The following CEBPZ variants were observed in gnomAD, a reference collection of about 807,000 sequenced individuals.
CEBPZ encodes CCAAT/enhancer-binding protein zeta.
CEBPZ carries 78 observed loss-of-function variants against 104.5 expected under a neutral mutation model. The ratio of observed to expected loss-of-function variants is 0.75; its 90% CI spans 0.62 to 0.90. The LOEUF (loss-of-function observed/expected upper bound fraction) is 0.90. Ranked by LOEUF, CEBPZ falls within the 40% of genes least tolerant of loss-of-function variation. The pLI, the probability that CEBPZ is intolerant of heterozygous loss-of-function variation, is 0.00. For synonymous variants in CEBPZ, 470 were observed against 427.0 expected (o/e 1.10, Z -1.24); for missense variants, 1,439 against 1,233.5 (o/e 1.17, Z -2.50).
In CEBPZ at chr2:37,222,389, T is replaced by G; in HGVS notation, c.2056A>C (p.Asn686His). The change falls in exon 4 of 16, where the codon AAT (asparagine) becomes CAT (histidine). Residue 686 changes from asparagine (N) to histidine (H), a missense_variant. Physicochemically the swap from Asn to His is moderately conservative, Grantham distance 68. Transcript: ENST00000234170. ...PEVASWVHFD[N>H]LKGGKQLNKY... is the part of the protein sequence containing the mutation. The stretch of plus-strand genomic sequence containing the variant: ...GATGAAAAAAACTCACCTTTCAAAT[T>G]ATCAAAGTGCACCCAGGAAGCAACC... The G allele has an allele frequency of 6.3e-7, 1 of 1,578,134 alleles. No homozygotes were observed. The highest frequency in any genetic ancestry group is 1.4e-5 in the African/African-American group (1 of 72,484).
intron 7 of CEBPZ, 27 bp from the exon 8 acceptor site, chr2:37,216,235 A>C (rs1356381177): frequency 6.2e-7 from 1 of 1,607,842 alleles, no homozygotes; most frequent in South Asian, 1.1e-5. Flanking sequence ...TGACAGTATA[A>C]TGCAAAACCT....
At position 37,202,812 on chromosome 2, in the gene CEBPZ, C is replaced by T. The variant is rs1400432198; in HGVS notation, c.2997G>A (p.Met999Ile). ...NMGSKFDNIG[M>I]NAMANKDNAS... ...CATTATCTTTGTTAGCCATGGCATT[C>T]ATGCCAATGTTATCAAACTTGGATC... Residue 999 changes from methionine (M) to isoleucine (I), a missense_variant, in exon 15 of 16, where the codon ATG becomes ATA. Coordinates refer to ENST00000234170, the MANE Select transcript of CEBPZ (RefSeq NM_005760.3). 13 of 1,592,612 alleles carry T rather than the reference C, an allele frequency of 8.2e-6. No homozygotes were observed. Among genetic ancestry groups the T allele is most frequent in the African/African-American group, 1.4e-5 (1 of 73,970 alleles).
At chr2:37,211,324 A>T (rs1402387902) in intron 12 of CEBPZ, 2 of 343,936 alleles carry the variant, frequency 5.8e-6, no homozygotes, top group East Asian at 9.1e-5. Flanking sequence ...TAATAAGACC[A>T]AATAATATAA....
chr2:37,228,822 T>C lies in CEBPZ; in HGVS notation c.371A>G (p.Asn124Ser), dbSNP rs756797872. 4 of 1,601,882 alleles carry C rather than the reference T, an allele frequency of 2.5e-6. No homozygotes were observed. The highest frequency in any genetic ancestry group is 3.4e-6 in the Non-Finnish European group (4 of 1,176,096). ...TTGACTTTCTGCTGTATTTTTATTA[T>C]TTATTTTAGGTATTTTTACTTCTTT... ...SKKEVKIPKI[N>S]NKNTAESQRT... The change falls in exon 2 of 16, where the codon AAT (asparagine) becomes AGT (serine). Residue 124 changes from asparagine to serine, a missense_variant. Physicochemically the swap from Asn to Ser is conservative, Grantham distance 46. Transcript: ENST00000234170.
chr2:37,229,701 A>C (rs1664989246), intron 1 of CEBPZ, among the ~76,000 whole-genome samples: 1 of 152,142 alleles, frequency 6.6e-6, no homozygotes, highest in African/African-American at 2.4e-5. Context: ...CAGCAGCTTC[A>C]TTTCTAAAAA....
chr2:37,206,404 C>T (rs1677541429), intron 13 of CEBPZ, among the ~76,000 whole-genome samples: 2 of 152,228 alleles, frequency 1.3e-5, no homozygotes, highest in South Asian at 2.1e-4. Context: ...GTCGCCCAGG[C>T]GGGAAGGCAG....
At chr2:37,201,948 C>T in intron 15 of CEBPZ, 45 bp from the exon 16 acceptor site, 1 of 1,565,056 alleles carries the variant, frequency 6.4e-7, no homozygotes, top group East Asian at 2.2e-5. Flanking sequence ...ACACTGTAGA[C>T]TCTTGGTGGT....
chr2:37,208,076 T>C (rs747483019), intron 13 of CEBPZ, among the ~76,000 whole-genome samples: 3 of 152,030 alleles, frequency 2.0e-5, no homozygotes, highest in Non-Finnish European at 4.4e-5. Context: ...CCTGGAAATA[T>C]ACAACCCTTC....
intron 1 of CEBPZ, 53 bp downstream of exon 1, chr2:37,231,358 CA>C (rs1404821273): frequency 6.2e-6 from 10 of 1,609,120 alleles, no homozygotes; most frequent in Non-Finnish European, 8.5e-6. Context: ...TCAGCCTAGC[CA>C]CCTTCGGAAC....
intron 15 of CEBPZ, chr2:37,202,519 C>G (rs1162492676): frequency 7.3e-6 from 2 of 274,220 alleles, no homozygotes; most frequent in Non-Finnish European, 1.4e-5. Flanking sequence ...GTGGTGCATG[C>G]CTGTAATCCC....
At chr2:37,205,493 C>T (rs958902441) in intron 13 of CEBPZ, among the ~76,000 whole-genome samples, 1 of 152,112 alleles carries the variant, frequency 6.6e-6, no homozygotes, top group Non-Finnish European at 1.5e-5. Flanking sequence ...TTTTTTCTAC[C>T]CAAATCCTAT....
At chr2:37,209,837 AATAG>A (rs1558469625) in intron 13 of CEBPZ, 1 of 152,126 alleles carries the variant, frequency 6.6e-6, no homozygotes, top group Admixed American at 6.6e-5. Context: ...CAGCAGAGTA[AATAG>A]ACAACCCATA....
chr2:37,225,377 TAGG>T (rs1333210050), intron 2 of CEBPZ, among the ~76,000 whole-genome samples: 2 of 151,886 alleles, frequency 1.3e-5, no homozygotes, highest in African/African-American at 4.8e-5. Context: ...GAAGTAGACA[TAGG>T]AGACTCCATT....
At chr2:37,214,650 T>C (rs1284674122) in intron 9 of CEBPZ, among the ~76,000 whole-genome samples, 1 of 152,222 alleles carries the variant, frequency 6.6e-6, no homozygotes, top group African/African-American at 2.4e-5. Flanking sequence ...GACGGATTTG[T>C]AAATTTTCTT....
chr2:37,207,686 C>G (rs1388783434), intron 13 of CEBPZ, among the ~76,000 whole-genome samples: 1 of 152,124 alleles, frequency 6.6e-6, no homozygotes, highest in Non-Finnish European at 1.5e-5. Context: ...CATTAAATGT[C>G]TACATCAAAA....
intron 9 of CEBPZ, among the ~76,000 whole-genome samples, chr2:37,214,361 T>A (rs779486108): frequency 6.6e-6 from 1 of 152,172 alleles, no homozygotes; most frequent in Non-Finnish European, 1.5e-5. Flanking sequence ...TAGGTTATGA[T>A]ACTAGTTGGT....
chr2:37,211,753 G>C, intron 12 of CEBPZ, 90 bp downstream of exon 12: 1 of 891,034 alleles, frequency 1.1e-6, no homozygotes, highest in Non-Finnish European at 1.7e-6. Context: ...TGAATACAGG[G>C]CTATATTAAA....
chr2:37,220,153 C>G (rs1369100232), intron 5 of CEBPZ, among the ~76,000 whole-genome samples: 1 of 151,742 alleles, frequency 6.6e-6, no homozygotes, highest in Non-Finnish European at 1.5e-5. Flanking sequence ...CCCGTCTCTA[C>G]TAAAAATACA....
intron 12 of CEBPZ, chr2:37,211,372 A>G (rs1421188340): frequency 5.3e-5 from 14 of 265,200 alleles, no homozygotes; most frequent in Non-Finnish European, 9.1e-5. Flanking sequence ...GTGGTTCAGA[A>G]TAAGTAAGAA....
Sources: gnomAD v4.1 joint callset for allele counts (sites outside exome capture counted in the v4.1 genomes callset) on GRCh38, gnomAD v4.1.1 for gene constraint, MANE v1.5 for transcripts, NCBI Gene and HGNC (gene_info 2026-07-23, HGNC 2026-07-21) for gene names.